The following VSNL1 variants were observed in gnomAD, a reference collection of about 807,000 sequenced individuals.
VSNL1 encodes the protein visinin like 1.
VSNL1 carries 6 observed loss-of-function variants against 20.4 expected under a neutral mutation model. The ratio of observed to expected loss-of-function variants is 0.29; its 90% CI spans 0.16 to 0.58. VSNL1 has a LOEUF of 0.58. Ranked by LOEUF, VSNL1 falls within the 20% of genes least tolerant of loss-of-function variation. The probability of loss-of-function intolerance (pLI) is 0.90; values close to 1 mark genes in which losing one functional copy is unlikely to be tolerated. For missense variants in VSNL1, 100 were observed against 234.5 expected, an observed-to-expected ratio of 0.43 and a Z score of 3.75; for synonymous variants, 93 against 86.4, an observed-to-expected ratio of 1.08 and a Z score of -0.42.
intron 1 of VSNL1, among the ~76,000 whole-genome samples, chr2:17,591,409 C>T (rs1021225000): frequency 2.0e-5 from 3 of 152,164 alleles, no homozygotes; most frequent in Non-Finnish European, 2.9e-5. Flanking sequence ...ATAATATCAA[C>T]AAAAACTCCC....
intron 1 of VSNL1, among the ~76,000 whole-genome samples, chr2:17,562,322 C>T (rs1480293113): frequency 1.3e-5 from 2 of 152,130 alleles, no homozygotes; most frequent in African/African-American, 2.4e-5. Context: ...TGTTCATTTG[C>T]ATTCACAGAC....
intron 2 of VSNL1, among the ~76,000 whole-genome samples, chr2:17,603,418 C>G (rs1411362506): frequency 6.6e-6 from 1 of 152,126 alleles, no homozygotes; most frequent in African/African-American, 2.4e-5. Flanking sequence ...GAGGGTTGCA[C>G]CTAGTCCCCT....
intron 2 of VSNL1, among the ~76,000 whole-genome samples, chr2:17,592,692 A>C (rs1664623423): frequency 1.7e-5 from 2 of 115,744 alleles, no homozygotes; most frequent in Non-Finnish European, 3.3e-5. Context: ...CAGAAAAGAT[A>C]CTCCTGTATC....
intron 2 of VSNL1, among the ~76,000 whole-genome samples, chr2:17,623,432 G>C (rs188290945): frequency 2.4e-3 from 360 of 152,036 alleles, no homozygotes; most frequent in Non-Finnish European, 3.9e-3. Flanking sequence ...CACTTTGGGA[G>C]ACCAATGTGG....
At chr2:17,550,040 TATG>T (rs1383599861) in intron 1 of VSNL1, among the ~76,000 whole-genome samples, 1 of 152,244 alleles carries the variant, frequency 6.6e-6, no homozygotes, top group Non-Finnish European at 1.5e-5. Context: ...TGAGAATAAC[TATG>T]ATATTACCTA....
intron 1 of VSNL1, among the ~76,000 whole-genome samples, chr2:17,551,051 C>G (rs1480516520): frequency 6.6e-6 from 1 of 152,140 alleles, no homozygotes; most frequent in East Asian, 1.9e-4. Context: ...TGTGCATTGA[C>G]CCATCAATAA....
intron 1 of VSNL1, among the ~76,000 whole-genome samples, chr2:17,580,106 T>C (rs1273141274): frequency 6.6e-6 from 1 of 152,206 alleles, no homozygotes; most frequent in Non-Finnish European, 1.5e-5. Flanking sequence ...AGATGTGAGA[T>C]AGGAGAGAGC....
intron 2 of VSNL1, among the ~76,000 whole-genome samples, chr2:17,610,848 GCATGCTTTGATC>G (rs1377980544): frequency 4.6e-5 from 7 of 152,228 alleles, no homozygotes; most frequent in African/African-American, 1.7e-4. Context: ...CCTGAACTCT[GCATGCTTTGATC>G]CAGTAGTGCC....
At chr2:17,601,378 G>A (rs1424954216) in intron 2 of VSNL1, among the ~76,000 whole-genome samples, 1 of 152,212 alleles carries the variant, frequency 6.6e-6, no homozygotes, top group Non-Finnish European at 1.5e-5. Flanking sequence ...GCTCACACCT[G>A]TAATCCCAGC....
At chr2:17,617,173 C>T (rs186078266) in intron 2 of VSNL1, among the ~76,000 whole-genome samples, 11 of 152,306 alleles carry the variant, frequency 7.2e-5, no homozygotes, top group Admixed American at 7.2e-4. Flanking sequence ...GAACCTGGAG[C>T]TCAGCGGAGG....
At chr2:17,622,540 G>GAAAGAAAGAAAGAAAC in intron 2 of VSNL1, among the ~76,000 whole-genome samples, 2 of 35,838 alleles carry the variant, frequency 5.6e-5, no homozygotes, top group East Asian at 1.0e-3. Flanking sequence ...AGAAAAGAAA[G>GAAAGAAAGAAAGAAAC]AAAGAAAGAA....
chr2:17,601,302 A>G (rs543440465), intron 2 of VSNL1, among the ~76,000 whole-genome samples: 59 of 152,330 alleles, frequency 3.9e-4, no homozygotes, highest in Middle Eastern at 3.4e-3. Flanking sequence ...TCTCTGCAGC[A>G]GATTGCTCAA....
At chr2:17,591,761 T>C (rs570224299) in intron 1 of VSNL1, among the ~76,000 whole-genome samples, 6 of 152,218 alleles carry the variant, frequency 3.9e-5, no homozygotes, top group Middle Eastern at 3.4e-3. Flanking sequence ...AAAAACAACT[T>C]CTATATGCTT....
At chr2:17,545,774 T>C (rs887907607) in intron 1 of VSNL1, among the ~76,000 whole-genome samples, 20 of 152,258 alleles carry the variant, frequency 1.3e-4, no homozygotes, top group Middle Eastern at 3.4e-3. Flanking sequence ...TGAGGAATCT[T>C]CAAAGAGGTT....
At chr2:17,622,295 C>T (rs1030325952) in intron 2 of VSNL1, among the ~76,000 whole-genome samples, 3 of 151,102 alleles carry the variant, frequency 2.0e-5, no homozygotes, top group Non-Finnish European at 2.9e-5. Flanking sequence ...GTCAGGAGCT[C>T]GAGACCAGCC....
intron 2 of VSNL1, among the ~76,000 whole-genome samples, chr2:17,641,394 A>G (rs1263804578): frequency 6.6e-6 from 1 of 152,198 alleles, no homozygotes; most frequent in Non-Finnish European, 1.5e-5. Flanking sequence ...AAAATTAATA[A>G]AAACAATCTT....
chr2:17,553,970 G>A (rs1350093934), intron 1 of VSNL1, among the ~76,000 whole-genome samples: 1 of 152,172 alleles, frequency 6.6e-6, no homozygotes, highest in African/African-American at 2.4e-5. Flanking sequence ...GTAGGGAACT[G>A]AGCATAGCCA....
At chr2:17,614,665 G>A (rs541309761) in intron 2 of VSNL1, among the ~76,000 whole-genome samples, 1 of 152,356 alleles carries the variant, frequency 6.6e-6, no homozygotes, top group African/African-American at 2.4e-5. Flanking sequence ...CCACCAGGAA[G>A]AGACTCTCTA....
At chr2:17,586,424 T>C (rs1415971837) in intron 1 of VSNL1, among the ~76,000 whole-genome samples, 2 of 152,222 alleles carry the variant, frequency 1.3e-5, no homozygotes, top group African/African-American at 4.8e-5. Flanking sequence ...GAAAGACTGC[T>C]TAAGAGGTTT....
Sources: allele counts gnomAD v4.1 joint callset (sites outside exome capture counted in the v4.1 genomes callset), GRCh38; gene constraint gnomAD v4.1.1; transcripts MANE v1.5; gene names NCBI Gene and HGNC (gene_info 2026-07-23, HGNC 2026-07-21).